LRRC37A2: variants seen among roughly 807,000 people sequenced by gnomAD.
LRRC37A2 encodes the protein leucine-rich repeat-containing protein 37A2.
In LRRC37A2, 9 loss-of-function variants were observed where a neutral mutation model predicts 68.8. That is an observed-to-expected ratio of 0.13 (90% CI 0.08 to 0.23). The LOEUF (loss-of-function observed/expected upper bound fraction) is 0.23. Among genes scored for constraint, LRRC37A2 ranks in the 10% least tolerant of loss-of-function variants. The pLI is 1.00. For missense variants in LRRC37A2, 168 were observed against 950.4 expected (o/e 0.18, Z 10.82); for synonymous variants, 63 against 367.6 (o/e 0.17, Z 9.48).
the LRRC37A2 span, among the ~76,000 whole-genome samples, chr17:46,925,020 A>G: frequency 1.3e-5 from 2 of 152,216 alleles, no homozygotes; most frequent in South Asian, 2.1e-4. Context: ...AGAAAACTGC[A>G]TGGCTCAGAA....
the LRRC37A2 span, among the ~76,000 whole-genome samples, chr17:47,004,957 C>T: frequency 1.3e-5 from 2 of 152,172 alleles, no homozygotes; most frequent in African/African-American, 4.8e-5. Context: ...GGTGGTAACC[C>T]CTTAGCTTCA....
chr17:46,981,898 C>G, the LRRC37A2 span, among the ~76,000 whole-genome samples: 2 of 152,058 alleles, frequency 1.3e-5, no homozygotes, highest in African/African-American at 4.8e-5. Context: ...GACAGGGTCT[C>G]ACTATGTTGC....
chr17:47,024,672 T>C, the LRRC37A2 span: 2 of 894,656 alleles, frequency 2.2e-6, no homozygotes. Flanking sequence ...AACTTCTTCA[T>C]TTTCCAGAAT....
chr17:46,818,691 A>G, the LRRC37A2 span: 3 of 1,258,954 alleles, frequency 2.4e-6, no homozygotes, highest in Non-Finnish European at 3.4e-6. Context: ...GAGATTGGAA[A>G]TGACTTTCGG....
the LRRC37A2 span, among the ~76,000 whole-genome samples, chr17:46,797,628 A>G: frequency 1.1e-3 from 170 of 152,342 alleles, no homozygotes; most frequent in Middle Eastern, 6.8e-3. Context: ...CCTGCAACCC[A>G]AAGTTCCACG....
chr17:46,728,952 A>C, the LRRC37A2 span: 1 of 1,420,648 alleles, frequency 7.0e-7, no homozygotes, highest in South Asian at 1.2e-5. Context: ...AATACTACTA[A>C]TAAGGAATAT....
At chr17:46,828,745 G>C in the LRRC37A2 span, among the ~76,000 whole-genome samples, 1 of 151,558 alleles carries the variant, frequency 6.6e-6, no homozygotes, top group African/African-American at 2.4e-5. Flanking sequence ...ATTGCTTTGA[G>C]CTCAGGAGTT....
At chr17:47,018,865 T>A in the LRRC37A2 span, 13 of 1,519,246 alleles carry the variant, frequency 8.6e-6, no homozygotes, top group Middle Eastern at 2.2e-4. Context: ...CCAGAATCCA[T>A]GACAGAGGTT....
chr17:46,766,303 G>C, the LRRC37A2 span, among the ~76,000 whole-genome samples: 1 of 152,080 alleles, frequency 6.6e-6, no homozygotes, highest in Non-Finnish European at 1.5e-5. Context: ...AGCTACTCGG[G>C]AGGCTGAGGC....
At chr17:46,743,226 C>T in the LRRC37A2 span, among the ~76,000 whole-genome samples, 1 of 152,140 alleles carries the variant, frequency 6.6e-6, no homozygotes, top group South Asian at 2.1e-4. Flanking sequence ...CTGCCAGTGC[C>T]CTGTGTTTGT....
the LRRC37A2 span, among the ~76,000 whole-genome samples, chr17:46,788,321 A>C: frequency 1.3e-5 from 2 of 152,220 alleles, no homozygotes; most frequent in African/African-American, 4.8e-5. Flanking sequence ...ACCCTAAGTC[A>C]GTCTCCCATT....
chr17:46,499,357 T>G, the LRRC37A2 span, among the ~76,000 whole-genome samples: 1 of 149,112 alleles, frequency 6.7e-6, no homozygotes, highest in East Asian at 2.0e-4. Flanking sequence ...AATGTTACTC[T>G]TCTTCCTTCT....
At chr17:46,855,518 C>T in the LRRC37A2 span, among the ~76,000 whole-genome samples, 1 of 152,110 alleles carries the variant, frequency 6.6e-6, no homozygotes, top group Non-Finnish European at 1.5e-5. Flanking sequence ...TGCTAAGGTT[C>T]CCTAATGCTA....
the LRRC37A2 span, among the ~76,000 whole-genome samples, chr17:46,724,927 A>G: frequency 6.6e-6 from 1 of 152,156 alleles, no homozygotes; most frequent in Non-Finnish European, 1.5e-5. Flanking sequence ...CTTCAATCAG[A>G]TATCTCCAAC....
At chr17:46,691,802 G>C in the LRRC37A2 span, among the ~76,000 whole-genome samples, 1 of 151,346 alleles carries the variant, frequency 6.6e-6, no homozygotes, top group Non-Finnish European at 1.5e-5. Context: ...GCCCAGGCTG[G>C]AGTGCAGTGG....
At chr17:46,729,553 TA>T in the LRRC37A2 span, among the ~76,000 whole-genome samples, 148,504 of 152,178 alleles carry the variant, frequency 0.98, 72,546 homozygotes, top group East Asian at 1. Flanking sequence ...TTAAATATGT[TA>T]AATTATGTAG....
At chr17:46,786,204 G>A in the LRRC37A2 span, among the ~76,000 whole-genome samples, 1 of 152,106 alleles carries the variant, frequency 6.6e-6, no homozygotes, top group African/African-American at 2.4e-5. Flanking sequence ...GAGGAGGAAA[G>A]AGAGTGGAAA....
chr17:46,983,692 G>GTA, the LRRC37A2 span, among the ~76,000 whole-genome samples: 33 of 152,232 alleles, frequency 2.2e-4, no homozygotes, highest in African/African-American at 7.2e-4. Flanking sequence ...AGGTAAGTGT[G>GTA]TTTGTTATTT....
At chr17:46,726,654 A>G in the LRRC37A2 span, 5 of 1,514,702 alleles carry the variant, frequency 3.3e-6, no homozygotes, top group Non-Finnish European at 4.6e-6. Context: ...TCTTTGCCAC[A>G]TTACAGCTAA....
Sources: gnomAD v4.1 joint callset for allele counts (sites outside exome capture counted in the v4.1 genomes callset) on GRCh38, gnomAD v4.1.1 for gene constraint, MANE v1.5 for transcripts, NCBI Gene and HGNC (gene_info 2026-07-23, HGNC 2026-07-21) for gene names.